CSMD1: variants seen among roughly 807,000 people sequenced by gnomAD.
CSMD1 encodes the protein CUB and sushi domain-containing protein 1.
In CSMD1, 213 loss-of-function variants were observed where a neutral mutation model predicts 417.5. The ratio of observed to expected loss-of-function variants is 0.51; its 90% CI spans 0.46 to 0.57. CSMD1 has a LOEUF of 0.57. CSMD1 is among the 20% of genes least tolerant of loss of function. The pLI, the probability that CSMD1 is intolerant of heterozygous loss-of-function variation, is 0.00. For synonymous variants in CSMD1, 2,862 were observed against 1,736.8 expected (o/e 1.65, Z -16.11); for missense variants, 6,923 against 4,529.7 (o/e 1.53, Z -15.17).
At chr8:3,418,028 G>T (rs1433566508) in intron 12 of CSMD1, among the ~76,000 whole-genome samples, 2 of 152,176 alleles carry the variant, frequency 1.3e-5, no homozygotes, top group Non-Finnish European at 2.9e-5. Context: ...GCCTGTGCTT[G>T]TTAAAATGAT....
intron 10 of CSMD1, among the ~76,000 whole-genome samples, chr8:3,495,288 G>C (rs1036225207): frequency 6.6e-6 from 1 of 152,112 alleles, no homozygotes; most frequent in African/African-American, 2.4e-5. Flanking sequence ...TCATCACTGA[G>C]ACCTGCTGGT....
At chr8:3,535,827 C>T (rs997663092) in intron 10 of CSMD1, among the ~76,000 whole-genome samples, 1 of 152,162 alleles carries the variant, frequency 6.6e-6, no homozygotes, top group Non-Finnish European at 1.5e-5. Flanking sequence ...TCCTCTCCCA[C>T]CAGTTTTTGT....
intron 12 of CSMD1, among the ~76,000 whole-genome samples, chr8:3,467,391 A>G (rs1266792163): frequency 6.6e-6 from 1 of 152,224 alleles, no homozygotes; most frequent in Non-Finnish European, 1.5e-5. Context: ...TGTGGAAAAT[A>G]TGATATCTCC....
intron 1 of CSMD1, among the ~76,000 whole-genome samples, chr8:4,967,602 A>G (rs1239466366): frequency 2.6e-5 from 4 of 152,200 alleles, no homozygotes; most frequent in Admixed American, 2.6e-4. Context: ...CAGAGTTGTA[A>G]CAGTACCTAT....
At chr8:4,019,749 T>C (rs1252443381) in intron 4 of CSMD1, among the ~76,000 whole-genome samples, 1 of 152,064 alleles carries the variant, frequency 6.6e-6, no homozygotes, top group East Asian at 1.9e-4. Context: ...AGAAGTAGTT[T>C]TCCCAATATT....
At chr8:4,888,812 A>G (rs1379606132) in intron 1 of CSMD1, among the ~76,000 whole-genome samples, 3 of 152,144 alleles carry the variant, frequency 2.0e-5, no homozygotes, top group African/African-American at 7.3e-5. Context: ...ACAAAGGCCA[A>G]CTTGAAGAGA....
chr8:3,586,340 A>C, intron 8 of CSMD1, 80 bp from the exon 9 acceptor site: 2 of 1,339,248 alleles, frequency 1.5e-6, no homozygotes, highest in South Asian at 1.5e-5. Flanking sequence ...AATCAGCAAA[A>C]TGGCTGCTAC....
chr8:4,492,059 C>A (rs926114075), intron 2 of CSMD1, among the ~76,000 whole-genome samples: 4 of 151,798 alleles, frequency 2.6e-5, no homozygotes, highest in African/African-American at 9.7e-5. Context: ...AAAGAAACGA[C>A]CTGTCAAGAC....
intron 5 of CSMD1, among the ~76,000 whole-genome samples, chr8:3,822,473 T>A (rs137908816): frequency 1.4e-3 from 220 of 152,312 alleles, no homozygotes; most frequent in African/African-American, 4.5e-3. Flanking sequence ...TTCCTAACTG[T>A]AATTTCAGGA....
intron 23 of CSMD1, among the ~76,000 whole-genome samples, chr8:3,318,743 G>A (rs1045786403): frequency 6.6e-6 from 1 of 152,118 alleles, no homozygotes; most frequent in Non-Finnish European, 1.5e-5. Context: ...GAGTGTCACG[G>A]TTCCTTCTGC....
intron 1 of CSMD1, among the ~76,000 whole-genome samples, chr8:4,887,293 A>G (rs1483465751): frequency 6.6e-6 from 1 of 152,100 alleles, no homozygotes; most frequent in Non-Finnish European, 1.5e-5. Context: ...AGTTTCTACT[A>G]GAGGCTTTTA....
At chr8:3,249,026 C>T (rs1195174948) in intron 26 of CSMD1, among the ~76,000 whole-genome samples, 2 of 152,068 alleles carry the variant, frequency 1.3e-5, no homozygotes, top group East Asian at 1.9e-4. Flanking sequence ...TTGTCCTGCT[C>T]GTTGATAAAC....
At chr8:4,003,476 G>GA (rs1281756537) in intron 4 of CSMD1, among the ~76,000 whole-genome samples, 4 of 151,674 alleles carry the variant, frequency 2.6e-5, no homozygotes, top group Non-Finnish European at 2.9e-5. Flanking sequence ...AGATACATGG[G>GA]AAAAAAAGAT....
chr8:4,818,735 A>T (rs953611843), intron 1 of CSMD1, among the ~76,000 whole-genome samples: 2 of 152,216 alleles, frequency 1.3e-5, no homozygotes, highest in Non-Finnish European at 2.9e-5. Context: ...GCAAATGCAA[A>T]CATAACTCAT....
intron 2 of CSMD1, among the ~76,000 whole-genome samples, chr8:4,430,668 A>G (rs902610789): frequency 4.6e-5 from 7 of 152,160 alleles, no homozygotes; most frequent in African/African-American, 1.7e-4. Flanking sequence ...TGGGCAAGTT[A>G]TAATTACAGT....
At chr8:3,418,248 G>A (rs761393016) in intron 12 of CSMD1, among the ~76,000 whole-genome samples, 7 of 152,098 alleles carry the variant, frequency 4.6e-5, no homozygotes, top group Middle Eastern at 3.2e-3. Flanking sequence ...CTGGACTCTG[G>A]AAATTCGGGC....
intron 1 of CSMD1, among the ~76,000 whole-genome samples, chr8:4,961,980 T>A (rs528554652): frequency 1.3e-5 from 2 of 152,186 alleles, no homozygotes; most frequent in South Asian, 4.1e-4. Flanking sequence ...AATGTCAAAA[T>A]CCTGTACATG....
intron 25 of CSMD1, among the ~76,000 whole-genome samples, chr8:3,300,123 C>A (rs966367163): frequency 1.3e-5 from 2 of 152,162 alleles, no homozygotes; most frequent in South Asian, 4.2e-4. Flanking sequence ...GGAATACTAT[C>A]CGGTAACTAA....
chr8:4,232,849 A>T (rs918045315), intron 3 of CSMD1, among the ~76,000 whole-genome samples: 2 of 152,242 alleles, frequency 1.3e-5, no homozygotes, highest in South Asian at 4.1e-4. Context: ...ATTTATTTAT[A>T]TATTTATTTT....
Sources: allele counts gnomAD v4.1 joint callset (sites outside exome capture counted in the v4.1 genomes callset), GRCh38; gene constraint gnomAD v4.1.1; transcripts MANE v1.5; gene names NCBI Gene and HGNC (gene_info 2026-07-23, HGNC 2026-07-21).